The following PSG5 variants were observed in gnomAD, a reference collection of about 807,000 sequenced individuals.
PSG5 encodes pregnancy specific beta-1-glycoprotein 5.
A neutral mutation model predicts 37.7 loss-of-function variants in PSG5; 53 were observed. The ratio of observed to expected loss-of-function variants is 1.41; its 90% CI spans 1.13 to 1.77. The LOEUF (loss-of-function observed/expected upper bound fraction) is 1.77, where lower values mean the gene tolerates loss of function less well. Ranked by LOEUF, PSG5 falls within the 40% of genes most tolerant of loss-of-function variation. The pLI is 0.00. For synonymous variants in PSG5, 221 were observed against 155.4 expected (o/e 1.42, Z -3.14); for missense variants, 547 against 405.2 (o/e 1.35, Z -3.00).
At chr19:43,170,470 A>G (rs890078656) in intron 4 of PSG5, 5 of 446,450 alleles carry the variant, frequency 1.1e-5, no homozygotes, top group Non-Finnish European at 2.2e-5. Flanking sequence ...TCTTTTTCTC[A>G]GTCTCTCTGT....
chr19:43,182,996 C>A (rs949389743), intron 2 of PSG5, among the ~76,000 whole-genome samples: 8 of 150,784 alleles, frequency 5.3e-5, no homozygotes, highest in South Asian at 2.1e-4. Context: ...GAACAGCCAG[C>A]CTAGTTAGAG....
In PSG5 at chr19:43,179,133, G is replaced by C. The variant is rs374273848; in HGVS notation, c.431-2985C>G. On this transcript the variant is annotated intron_variant, in intron 2 of 5. Transcript: ENST00000342951. ...CTCCCTGGGGTTTAAGTTGCTACTG[G>C]AGATGGAGGGCTTGGGAGTTTCCAC... The C allele has an allele frequency of 1.3e-4, 206 of 1,599,024 alleles. 11 individuals are homozygous for C. Among genetic ancestry groups the C allele is most frequent in the Non-Finnish European group, 1.7e-4 (197 of 1,167,384 alleles).
At chr19:43,172,496 T>A (rs1968926754) in intron 4 of PSG5, among the ~76,000 whole-genome samples, 1 of 151,608 alleles carries the variant, frequency 6.6e-6, no homozygotes, top group South Asian at 2.1e-4. Flanking sequence ...ATCCTAAAGG[T>A]GGAACAAACC....
In PSG5 at chr19:43,185,279, C is replaced by T. The variant is rs910285660; in HGVS notation, c.65-132G>A. The T allele has an allele frequency of 1.4e-5, 18 of 1,256,336 alleles. 1 individual carries two copies. The African/African-American group carries it at 1.7e-4, about 12-fold the overall frequency. The allele number at this position is 1,256,336 out of a possible 1,614,324, so 77.8% of individuals were successfully genotyped here. On this transcript the variant is annotated intron_variant, in intron 1 of 5. Transcript: ENST00000342951. ...ACACACACACACAAACACACACACA[C>T]ACAAAAGGTGCATGTTAGTTTGTGT...
intron 4 of PSG5, 162 bp downstream of exon 4, chr19:43,175,053 G>C: frequency 6.5e-7 from 1 of 1,541,510 alleles, no homozygotes; most frequent in South Asian, 1.3e-5. Context: ...AAGGAGAAGA[G>C]AGTTTGTAGA....
intron 1 of PSG5, among the ~76,000 whole-genome samples, 187 bp downstream of exon 1, chr19:43,186,155 T>G (rs1399471624): frequency 6.6e-6 from 1 of 151,290 alleles, no homozygotes; most frequent in African/African-American, 2.4e-5. Context: ...TTTTTGTATT[T>G]TTAGTAGAGA....
In PSG5 at chr19:43,176,024, C is replaced by G; in HGVS notation, c.555G>C (p.Gln185His). 6.2e-7 allele frequency: 1 copy of G among 1,611,182 alleles called. No homozygotes were observed. The highest frequency in any genetic ancestry group is 8.5e-7 in the Non-Finnish European group (1 of 1,179,206). The stretch of plus-strand genomic sequence containing the variant: ...TTACCCTGGGACTGACCGGGAGGCT[C>G]TGACCATTTAGCCACCAAATGTAGG... ...NYTYIWWLNG[Q>H]SLPVSPRVKR... Residue 185 changes from glutamine (Q) to histidine (H), a missense_variant, in exon 3 of 6, where the codon CAG (glutamine) becomes CAC (histidine). By Grantham distance (24) the Gln-to-His change is conservative (BLOSUM62 0). Coordinates refer to ENST00000342951, the MANE Select transcript of PSG5 (RefSeq NM_002781.4).
At chr19:43,182,028 G>C (rs1402969710) in intron 2 of PSG5, among the ~76,000 whole-genome samples, 3 of 151,656 alleles carry the variant, frequency 2.0e-5, no homozygotes, top group African/African-American at 2.4e-5. Context: ...TGACAGCAAA[G>C]TAGCATGTCT....
intron 5 of PSG5, 129 bp downstream of exon 5, chr19:43,169,926 C>T: frequency 1.7e-6 from 1 of 579,734 alleles, no homozygotes; most frequent in Middle Eastern, 3.2e-4. Context: ...GGAATTAGTT[C>T]TGAGAAGCAG....
rs1320161130 is a variant in PSG5 at position 43,183,647 on chromosome 19, T to A, written c.430+1135A>T. Among the ~76,000 whole-genome samples the A allele has an allele frequency of 1.3e-5, 2 of 151,358 alleles. 1 individual carries two copies. Among genetic ancestry groups the A allele is most frequent in the Non-Finnish European group, 2.9e-5 (2 of 67,874 alleles). On this transcript the variant is annotated intron_variant, in intron 2 of 5. Coordinates refer to ENST00000342951, the MANE Select transcript of PSG5 (RefSeq NM_002781.4). ...TGAGGCAGTTGATTTAGTTCTGGAG[T>A]GCAGACTAATCAGCTGACCATTTGC...
Position 43,186,382 on chromosome 19 carries a change from G to A in PSG5, c.24C>T (p.Pro8=), listed in dbSNP as rs749335968. 2.5e-6 allele frequency: 4 copies of A among 1,612,390 alleles called. No homozygotes were observed. The highest frequency in any genetic ancestry group is 1.3e-5 in the African/African-American group (1 of 74,668). Residue 8 remains proline (P), a synonymous_variant, in exon 1 of 6, where the codon CCC becomes CCT. Coordinates refer to ENST00000342951, the MANE Select transcript of PSG5 (RefSeq NM_002781.4). Reference sequence around the variant, plus strand: ...CCTTCCAGGTGATGTGCTGTGTGCAGGGAGGGGCTGAGAGGGGCCCCATGG... The same window carrying A: ...CCTTCCAGGTGATGTGCTGTGTGCAAGGAGGGGCTGAGAGGGGCCCCATGG... MGPLSAP[P]CTQHITWKGL... is the part of the protein sequence containing the mutation.
intron 2 of PSG5, among the ~76,000 whole-genome samples, chr19:43,182,128 G>A (rs1228515531): frequency 6.6e-6 from 1 of 151,680 alleles, no homozygotes; most frequent in Non-Finnish European, 1.5e-5. Flanking sequence ...TTAATTTATG[G>A]TTTGACTTTG....
rs775966067 is a variant in PSG5, at chr19:43,179,188, G to A, written c.431-3040C>T. ...CAGAAAACAGAGAGAAGATTGCCCT[G>A]TGTGGCACCTTTGATTCCTCCAAAG... On this transcript the variant is annotated intron_variant, in intron 2 of 5. Transcript: ENST00000342951. The A allele has an allele frequency of 1.5e-5, 23 of 1,566,468 alleles. 1 individual carries two copies. Among genetic ancestry groups the A allele is most frequent in the Non-Finnish European group, 1.8e-5 (20 of 1,142,518 alleles).
In PSG5 at chr19:43,185,437, C is replaced by G. The variant is rs896036163; in HGVS notation, c.65-290G>C. ...CCAGGGGTCCACACGGCACCCCCCC[C>G]CCCCCACACTGCCCTCAGGTCCTGC... On this transcript the variant is annotated intron_variant, in intron 1 of 5. Transcript: ENST00000342951. Among the ~76,000 whole-genome samples the G allele has an allele frequency of 4.0e-5, 6 of 150,298 alleles. 1 individual carries two copies. The highest frequency in any genetic ancestry group is 7.4e-5 in the Non-Finnish European group (5 of 67,388).
intron 2 of PSG5, among the ~76,000 whole-genome samples, chr19:43,183,004 G>A (rs1412815150): frequency 6.6e-6 from 1 of 150,944 alleles, no homozygotes; most frequent in African/African-American, 2.5e-5. Flanking sequence ...AGCCTAGTTA[G>A]AGGGAGTGTC....
rs549326708 is a variant in PSG5, at chr19:43,186,367, G to T, written c.39C>A (p.Ile13=). 4.1e-5 allele frequency: 66 copies of T among 1,612,338 alleles called. No individual in the cohort carries two copies. The highest frequency in any genetic ancestry group is 5.0e-5 in the Non-Finnish European group (59 of 1,178,942). The change falls in exon 1 of 6, where the codon ATC becomes ATA. Residue 13 remains isoleucine, a synonymous_variant. Coordinates refer to ENST00000342951, the MANE Select transcript of PSG5 (RefSeq NM_002781.4). Reference sequence around the variant, plus strand: ...CTGTGAGCAGGAGCCCCTTCCAGGTGATGTGCTGTGTGCAGGGAGGGGCTG... The same window carrying T: ...CTGTGAGCAGGAGCCCCTTCCAGGTTATGTGCTGTGTGCAGGGAGGGGCTG... The part of the protein sequence containing the change: ...PLSAPPCTQH[I]TWKGLLLTAS...
chr19:43,171,604 C>A, intron 4 of PSG5: 1 of 506,014 alleles, frequency 2.0e-6, no homozygotes, highest in Non-Finnish European at 3.1e-6. Flanking sequence ...AAAATAAAAT[C>A]AACAAAATTG....
intron 4 of PSG5, 50 bp from the exon 5 acceptor site, chr19:43,170,188 A>G: frequency 6.8e-7 from 1 of 1,468,098 alleles, no homozygotes; most frequent in Non-Finnish European, 9.4e-7. Context: ...GTTATTTTAC[A>G]TGGGGGAGCC....
intron 4 of PSG5, chr19:43,174,666 T>A (rs1968967783): frequency 1.0e-6 from 1 of 980,158 alleles, no homozygotes; most frequent in East Asian, 8.8e-5. Context: ...ACCAGGACTC[T>A]TTCTCCACAC....
Sources: allele counts gnomAD v4.1 joint callset (sites outside exome capture counted in the v4.1 genomes callset), GRCh38; gene constraint gnomAD v4.1.1; transcripts MANE v1.5; gene names NCBI Gene and HGNC (gene_info 2026-07-23, HGNC 2026-07-21).